The following MALT1 variants were observed in gnomAD, a reference collection of about 807,000 sequenced individuals.
MALT1 encodes the protein mucosa-associated lymphoid tissue lymphoma translocation protein 1.
A neutral mutation model predicts 85.5 loss-of-function variants in MALT1; 36 were observed. The ratio of observed to expected loss-of-function variants is 0.42; its 90% CI spans 0.32 to 0.56. The LOEUF (loss-of-function observed/expected upper bound fraction) is 0.56. Ranked by LOEUF, MALT1 falls within the 20% of genes least tolerant of loss-of-function variation. MALT1 has a pLI of 0.10. For synonymous variants in MALT1, 359 were observed against 361.3 expected, an observed-to-expected ratio of 0.99 and a Z score of 0.07; for missense variants, 716 against 981.6, an observed-to-expected ratio of 0.73 and a Z score of 3.62.
chr18:58,752,865 C>T lies in MALT1; in HGVS notation c.*5023C>T, dbSNP rs1602352376. 1 of 152,258 alleles carries T rather than the reference C, an allele frequency of 6.6e-6. No individual in the cohort carries two copies. Among genetic ancestry groups the T allele is most frequent in the East Asian group, 1.9e-4 (1 of 5,186 alleles). The allele number at this position is 152,258 out of a possible 1,614,324, so 9.4% of individuals were successfully genotyped here. A position where few individuals can be genotyped will look rare whatever the true frequency, so the allele number is the denominator to read the frequency against. On this transcript the variant is annotated 3_prime_UTR_variant, in exon 17 of 17. Transcript: ENST00000649217. ...GAAAATGTGTAAATGTGCATATTCTCTTTTTTTCTAATTTGGTAGCATTAA... is the reference window on the plus strand; with the variant it reads ...GAAAATGTGTAAATGTGCATATTCTTTTTTTTTCTAATTTGGTAGCATTAA...
intron 15 of MALT1, 41 bp from the exon 16 acceptor site, chr18:58,745,625 T>C (rs1375478820): frequency 2.6e-6 from 4 of 1,550,556 alleles, no homozygotes; most frequent in East Asian, 2.2e-5. Context: ...GTGGCTTTCA[T>C]TGATTTCATT....
intron 10 of MALT1, among the ~76,000 whole-genome samples, chr18:58,729,489 CAAAAA>C (rs72233465): frequency 1.0e-5 from 1 of 96,522 alleles, no homozygotes; most frequent in Non-Finnish European, 2.2e-5. Context: ...AACTCCGTCT[CAAAAA>C]AAAAAAAAAA....
At chr18:58,737,304 AC>A (rs200064182) in intron 13 of MALT1, among the ~76,000 whole-genome samples, 2 of 151,516 alleles carry the variant, frequency 1.3e-5, no homozygotes, top group Non-Finnish European at 2.9e-5. Context: ...ACATTGTCAG[AC>A]CCCCCATCTC....
chr18:58,742,476 GCAGGTGGAT>G (rs1265039043), intron 14 of MALT1, among the ~76,000 whole-genome samples: 2 of 152,196 alleles, frequency 1.3e-5, no homozygotes, highest in Admixed American at 1.3e-4. Context: ...GGAGGCCAAG[GCAGGTGGAT>G]CACCTGAGGT....
In MALT1 at chr18:58,747,721, C is replaced by T. The variant is rs543467796; in HGVS notation, c.2354C>T (p.Ala785Val). 115 of 1,614,180 alleles carry T rather than the reference C, an allele frequency of 7.1e-5. 3 individuals are homozygous for T. The South Asian group carries it at 1.2e-3, about 17-fold the overall frequency. The stretch of plus-strand genomic sequence containing the variant: ...TGTCATTGCAGCCGGACTCCAGATG[C>T]ATTTATTTCAAGTTTCGCTCACCAT... ...DSCHCSRTPDAFISSFAHHAS... is the reference protein window; with the variant it reads ...DSCHCSRTPDVFISSFAHHAS... The change falls in exon 17 of 17, where the codon GCA (alanine) becomes GTA (valine). Residue 785 changes from alanine (A) to valine (V), a missense_variant. Around this residue, in one of 4 missense-constraint regions of MALT1, gnomAD observed 260 missense variants for 323.7 expected, o/e 0.80. Coordinates refer to ENST00000649217, the MANE Select transcript of MALT1 (RefSeq NM_006785.4).
At chr18:58,703,053 A>T (rs1266013592) in intron 4 of MALT1, among the ~76,000 whole-genome samples, 1 of 152,164 alleles carries the variant, frequency 6.6e-6, no homozygotes, top group Admixed American at 6.5e-5. Flanking sequence ...AAATGACGTT[A>T]AGGTTGTTGA....
chr18:58,715,871 T>C (rs1568142117), intron 8 of MALT1, 64 bp from the exon 9 acceptor site: 1 of 1,073,756 alleles, frequency 9.3e-7, no homozygotes, highest in East Asian at 2.4e-5. Context: ...ATACTTTTCA[T>C]GTATCTTTAA....
At chr18:58,705,737 G>T (rs1341621438) in intron 4 of MALT1, among the ~76,000 whole-genome samples, 1 of 151,828 alleles carries the variant, frequency 6.6e-6, no homozygotes. Context: ...TTGGACATTT[G>T]GGTTGGTTCC....
At position 58,750,336 on chromosome 18, in the gene MALT1, TTAGTC is replaced by T. The variant is rs1208816594; in HGVS notation, c.*2497_*2501del. ...TGGTAAGATGGCAATGCTGCCCAAA[TTAGTC>T]TACATATTCAACAATTCCTATCAAA... On this transcript the variant is annotated 3_prime_UTR_variant, in exon 17 of 17. Transcript: ENST00000649217. 6.4e-6 allele frequency: 1 copy of T among 155,812 alleles called. No individual in the cohort carries two copies. The highest frequency in any genetic ancestry group is 1.4e-5 in the Non-Finnish European group (1 of 70,276). The allele number at this position is 155,812 out of a possible 1,614,324, so 9.7% of individuals were successfully genotyped here.
chr18:58,750,934 C>T lies in MALT1; in HGVS notation c.*3092C>T, dbSNP rs987126484. 1 of 152,106 alleles carries T rather than the reference C, an allele frequency of 6.6e-6. No homozygotes were observed. Among genetic ancestry groups the T allele is most frequent in the Non-Finnish European group, 1.5e-5 (1 of 68,030 alleles). The allele number at this position is 152,106 out of a possible 1,614,324, so 9.4% of individuals were successfully genotyped here. A position where few individuals can be genotyped will look rare whatever the true frequency, so the allele number is the denominator to read the frequency against. ...ACACCATTAAGAAAGTGAAGTTAAC[C>T]CTCAGAATGGGAGAAAAATTTTTGA... is the stretch of plus-strand genomic sequence containing the variant. On this transcript the variant is annotated 3_prime_UTR_variant, in exon 17 of 17. Coordinates refer to ENST00000649217, the MANE Select transcript of MALT1 (RefSeq NM_006785.4).
Position 58,733,270 on chromosome 18 carries a change from T to C in MALT1, c.1223-127T>C, listed in dbSNP as rs148600824. ...TCTATATTTATAATTGGGTATTTCT[T>C]ACATATGCTCACATCAACCTGAAGA... On this transcript the variant is annotated intron_variant, in intron 10 of 16. Transcript: ENST00000649217. 4.4e-4 allele frequency: 272 copies of C among 619,424 alleles called. 4 individuals carry two copies. In the African/African-American group the frequency reaches 4.7e-3, roughly 11 times the overall value. 38.4% of individuals were successfully genotyped at this position (619,424 alleles called of 1,614,324 possible). A position where few individuals can be genotyped will look rare whatever the true frequency, so the allele number is the denominator to read the frequency against.
chr18:58,715,780 G>GT (rs1260585178), intron 8 of MALT1, among the ~76,000 whole-genome samples, 155 bp from the exon 9 acceptor site: 3 of 152,152 alleles, frequency 2.0e-5, no homozygotes, highest in East Asian at 1.9e-4. Context: ...CACCACCATC[G>GT]TTTTTTTCCA....
chr18:58,723,024 AC>A, intron 9 of MALT1, 23 bp from the exon 10 acceptor site: 3 of 1,565,166 alleles, frequency 1.9e-6, no homozygotes, highest in Non-Finnish European at 2.6e-6. Flanking sequence ...TTCTTTAAAC[AC>A]CCCCTTTCTT....
intron 4 of MALT1, among the ~76,000 whole-genome samples, chr18:58,706,574 G>T (rs1244793167): frequency 6.6e-6 from 1 of 152,106 alleles, no homozygotes; most frequent in Non-Finnish European, 1.5e-5. Flanking sequence ...TTCCCTTCTG[G>T]CTGAAGAATT....
At chr18:58,690,884 G>A in intron 2 of MALT1, 2 of 221,442 alleles carry the variant, frequency 9.0e-6, no homozygotes, top group Admixed American at 9.2e-5. Flanking sequence ...GATCTCTCAT[G>A]CCTGTCTCTG....
In MALT1 at chr18:58,749,539, AT is replaced by A. The variant is rs1017942831; in HGVS notation, c.*1698del. The A allele has an allele frequency of 4.6e-6, 1 of 217,662 alleles. No homozygotes were observed. The highest frequency in any genetic ancestry group is 2.2e-5 in the African/African-American group (1 of 44,472). 13.5% of individuals were successfully genotyped at this position (217,662 alleles called of 1,614,324 possible). ...ATCTTGTTCAGCCTCAGCTGGGAAC[AT>A]GTGTACTGGGTGACTCAAATTTTTC... On this transcript the variant is annotated 3_prime_UTR_variant, in exon 17 of 17. Coordinates refer to ENST00000649217, the MANE Select transcript of MALT1 (RefSeq NM_006785.4).
chr18:58,754,088 C>T lies in MALT1; in HGVS notation c.*6246C>T, dbSNP rs1484373306. ...CACAGTCTTATTTAAAACAGCCTTG[C>T]AGTTTATAGATGAACTGATTGTTAG... On this transcript the variant is annotated 3_prime_UTR_variant, in exon 17 of 17. Transcript: ENST00000649217. 2.0e-5 allele frequency: 3 copies of T among 152,160 alleles called. No homozygotes were observed. The highest frequency in any genetic ancestry group is 7.2e-5 in the African/African-American group (3 of 41,420). 9.4% of individuals were successfully genotyped at this position (152,160 alleles called of 1,614,324 possible).
chr18:58,735,259 T>C lies in MALT1; in HGVS notation c.1533T>C (p.Phe511=), dbSNP rs2055208085. 6.2e-7 allele frequency: 1 copy of C among 1,611,338 alleles called. No homozygotes were observed. The highest frequency in any genetic ancestry group is 8.5e-7 in the Non-Finnish European group (1 of 1,179,340). ...IQHSGLANGI[F]MKFLKDRLLE... Reference sequence around the variant, plus strand: ...ATTCTGGATTGGCAAATGGAATCTTTATGAAATTTTTAAAAGACAGATTAT... The same window carrying C: ...ATTCTGGATTGGCAAATGGAATCTTCATGAAATTTTTAAAAGACAGATTAT... The change falls in exon 13 of 17, where the codon TTT becomes TTC. Residue 511 remains phenylalanine (F), a synonymous_variant. Coordinates refer to ENST00000649217, the MANE Select transcript of MALT1 (RefSeq NM_006785.4).
chr18:58,683,894 A>C (rs767903328), intron 2 of MALT1, among the ~76,000 whole-genome samples: 2 of 152,044 alleles, frequency 1.3e-5, no homozygotes, highest in African/African-American at 2.4e-5. Flanking sequence ...TCTTCAGTAC[A>C]TTTGTGAGCT....
Sources: allele counts gnomAD v4.1 joint callset (sites outside exome capture counted in the v4.1 genomes callset), GRCh38; gene constraint gnomAD v4.1.1; regional missense constraint gnomAD v4.1.1; transcripts MANE v1.5; gene names NCBI Gene and HGNC (gene_info 2026-07-23, HGNC 2026-07-21).